CHD1L: variants seen among roughly 807,000 people sequenced by gnomAD.
The protein encoded by CHD1L is chromodomain helicase DNA binding protein 1 like, also known as ATP-dependent chromatin remodeler CHD1L.
CHD1L carries 118 observed loss-of-function variants against 115.9 expected under a neutral mutation model. The ratio of observed to expected loss-of-function variants is 1.02; its 90% CI spans 0.88 to 1.19. The LOEUF (loss-of-function observed/expected upper bound fraction) is 1.19, where lower values mean the gene tolerates loss of function less well. CHD1L is among the 50% of genes most tolerant of loss of function. CHD1L has a pLI of 0.00. For synonymous variants in CHD1L, 411 were observed against 387.1 expected, an observed-to-expected ratio of 1.06 and a Z score of -0.72; for missense variants, 1,179 against 1,065.3, an observed-to-expected ratio of 1.11 and a Z score of -1.49.
At position 147,288,322 on chromosome 1, in the gene CHD1L, C is replaced by CATTAAAAAAAAAAAA. The variant is rs1452486110; in HGVS notation, c.2320+590_2320+591insTTAAAAAAAAAAAAA. On this transcript the variant is annotated intron_variant, in intron 19 of 22. Transcript: ENST00000369258. ...CCTGAGTGAGAGTGAGACCCTGTTT[C>CATTAAAAAAAAAAAA]AATAAAAAAAAAAAAAAAAAAAAAG... Among the ~76,000 whole-genome samples, 44 of 87,894 alleles carry CATTAAAAAAAAAAAA rather than the reference C, an allele frequency of 5.0e-4. 6 individuals carry two copies. Among genetic ancestry groups the CATTAAAAAAAAAAAA allele is most frequent in the East Asian group, 7.7e-4 (2 of 2,606 alleles). The allele number at this position is 87,894 out of a possible 152,430, so 57.7% of individuals were successfully genotyped here. A position where few individuals can be genotyped will look rare whatever the true frequency, so the allele number is the denominator to read the frequency against.
chr1:147,226,586 C>T, the CHD1L span, among the ~76,000 whole-genome samples: 1 of 152,120 alleles, frequency 6.6e-6, no homozygotes, highest in Non-Finnish European at 1.5e-5. Context: ...AGAACAAGGG[C>T]CCATCCAGAC....
chr1:147,287,947 A>G (rs966229938), intron 19 of CHD1L, among the ~76,000 whole-genome samples: 6 of 152,200 alleles, frequency 3.9e-5, no homozygotes, highest in African/African-American at 1.4e-4. Flanking sequence ...TGTGAATAAT[A>G]CTTGTTCTGC....
the CHD1L span, chr1:147,175,904 A>G: frequency 7.1e-6 from 1 of 140,368 alleles, no homozygotes; most frequent in East Asian, 2.2e-4. Flanking sequence ...TTCTGGAAAA[A>G]GGAAGACTAT....
rs1553970447 is a variant in CHD1L at position 147,291,496 on chromosome 1, GGTGTCCTTTT to G, written c.2336_2345del (p.Gly779AspfsTer19). On this transcript the variant is annotated frameshift_variant, in exon 20 of 23. Coordinates refer to ENST00000369258, the MANE Select transcript of CHD1L (RefSeq NM_004284.6). LOFTEE classifies it high-confidence loss of function. ...TTTTACCTCAGACCTGAGTTTGGGA[GGTGTCCTTTT>G]ATTTCCTGTTGATGATAAAGAATCA... 2 of 1,613,756 alleles carry G rather than the reference GGTGTCCTTTT, an allele frequency of 1.2e-6. No individual in the cohort carries two copies. The highest frequency in any genetic ancestry group is 2.7e-5 in the African/African-American group (2 of 74,876).
intron 19 of CHD1L, among the ~76,000 whole-genome samples, chr1:147,288,323 A>ATAAAAAAAAAAG (rs1553967767): frequency 2.3e-4 from 1 of 4,350 alleles, no homozygotes; most frequent in Non-Finnish European, 1.4e-3. Flanking sequence ...ACCCTGTTTC[A>ATAAAAAAAAAAG]ATAAAAAAAA....
the CHD1L span, among the ~76,000 whole-genome samples, chr1:147,233,533 C>T: frequency 2.0e-5 from 3 of 151,688 alleles, no homozygotes; most frequent in Admixed American, 6.6e-5. Flanking sequence ...CGCCTCTGCC[C>T]GGCCGCCCCT....
the CHD1L span, among the ~76,000 whole-genome samples, chr1:147,176,956 A>T: frequency 6.6e-6 from 1 of 152,080 alleles, no homozygotes; most frequent in African/African-American, 2.4e-5. Flanking sequence ...ATACTTAAAA[A>T]TGCATGTGGA....
chr1:147,187,729 G>A, the CHD1L span, among the ~76,000 whole-genome samples: 8 of 152,216 alleles, frequency 5.3e-5, no homozygotes, highest in Non-Finnish European at 1.0e-4. Context: ...CTGAAAGGAT[G>A]AGGGAGAATG....
the CHD1L span, chr1:147,215,915 T>C: frequency 1.2e-6 from 2 of 1,609,474 alleles, no homozygotes; most frequent in East Asian, 4.5e-5. Flanking sequence ...GATTTGTAAA[T>C]ACTGGCCCTT....
intron 12 of CHD1L, among the ~76,000 whole-genome samples, chr1:147,273,379 C>T (rs1677019016): frequency 6.6e-6 from 1 of 152,078 alleles, no homozygotes; most frequent in African/African-American, 2.4e-5. Context: ...TTTCTAAATG[C>T]CTGCTGCTAT....
intron 14 of CHD1L, among the ~76,000 whole-genome samples, chr1:147,278,285 C>T (rs1375090344): frequency 1.7e-5 from 2 of 117,154 alleles, no homozygotes; most frequent in Admixed American, 1.2e-4. Context: ...AGTGCAGTGG[C>T]GCGATCTCAG....
At chr1:147,263,710 C>T (rs1182935631) in intron 6 of CHD1L, among the ~76,000 whole-genome samples, 1 of 151,930 alleles carries the variant, frequency 6.6e-6, no homozygotes, top group Non-Finnish European at 1.5e-5. Flanking sequence ...TACTTCATGT[C>T]TCTCTTACTC....
At chr1:147,284,069 A>G (rs1682048322) in intron 15 of CHD1L, among the ~76,000 whole-genome samples, 1 of 152,212 alleles carries the variant, frequency 6.6e-6, no homozygotes, top group Admixed American at 6.5e-5. Context: ...TGAATGAGGA[A>G]TGAATGGAAG....
upstream of CHD1L, among the ~76,000 whole-genome samples, chr1:147,239,016 C>T (rs1018418201): frequency 2.0e-5 from 3 of 152,110 alleles, no homozygotes; most frequent in Non-Finnish European, 2.9e-5. Flanking sequence ...AATACTGTGG[C>T]GAGCAATATC....
chr1:147,281,749 T>C (rs587604768), intron 15 of CHD1L, among the ~76,000 whole-genome samples: 129 of 152,122 alleles, frequency 8.5e-4, no homozygotes, highest in African/African-American at 3.1e-3. Context: ...TTTTAAAAAG[T>C]ATTTCTCTTC....
Position 147,284,457 on chromosome 1 carries a change from G to A in CHD1L, c.1812G>A (p.Glu604=), listed in dbSNP as rs1682247398. 5 of 1,612,080 alleles carry A rather than the reference G, an allele frequency of 3.1e-6. No homozygotes were observed. In the African/African-American group the frequency reaches 4.0e-5, roughly 13 times the overall value. Residue 604 remains glutamate, a synonymous_variant, in exon 16 of 23, where the codon GAG becomes GAA. Transcript: ENST00000369258. Reference sequence around the variant, plus strand: ...TAAACCTTCAGAAAACCCTTTTGGAGAAAGCTAGTCAAGAGGGCCGATCAC... The same window carrying A: ...TAAACCTTCAGAAAACCCTTTTGGAAAAAGCTAGTCAAGAGGGCCGATCAC... ...QLVNLQKTLL[E]KASQEGRSLR... is the part of the protein sequence containing the mutation.
In CHD1L at chr1:147,284,381, A is replaced by G; in HGVS notation, c.1736A>G (p.Asp579Gly). Residue 579 changes from aspartate to glycine, a missense_variant, in exon 16 of 23, where the codon GAT becomes GGT. Coordinates refer to ENST00000369258, the MANE Select transcript of CHD1L (RefSeq NM_004284.6). ...KNHMYLFEGK[D>G]YSKEPSKEDR... ...CATATGTACTTATTTGAAGGTAAAGATTATTCTAAAGAGCCCAGTAAGGAA... is the reference window on the plus strand; with the variant it reads ...CATATGTACTTATTTGAAGGTAAAGGTTATTCTAAAGAGCCCAGTAAGGAA... 2.5e-6 allele frequency: 4 copies of G among 1,591,414 alleles called. No individual in the cohort carries two copies. The highest frequency in any genetic ancestry group is 3.4e-6 in the Non-Finnish European group (4 of 1,168,932).
At chr1:147,259,625 TTA>T in intron 5 of CHD1L, 1 of 438,136 alleles carries the variant, frequency 2.3e-6, no homozygotes, top group Non-Finnish European at 4.1e-6. Context: ...TCCCATTTTG[TTA>T]AAAAAAAAAA....
the CHD1L span, among the ~76,000 whole-genome samples, chr1:147,202,443 C>A: frequency 6.6e-6 from 1 of 151,320 alleles, no homozygotes; most frequent in African/African-American, 2.4e-5. Context: ...TCTCAGCCTC[C>A]CGAGTAGCTT....
Sources: allele counts gnomAD v4.1 joint callset (sites outside exome capture counted in the v4.1 genomes callset), GRCh38; gene constraint gnomAD v4.1.1; transcripts MANE v1.5; gene names NCBI Gene and HGNC (gene_info 2026-07-23, HGNC 2026-07-21).